GATAD2B: variants seen among roughly 807,000 people sequenced by gnomAD.
GATAD2B encodes transcriptional repressor p66-beta.
Under a neutral mutation model 64.3 loss-of-function variants are expected in GATAD2B, and 8 were observed. The observed-to-expected ratio is 0.12, with a 90% confidence interval of 0.07 to 0.22. The LOEUF is 0.22. Ranked by LOEUF, GATAD2B falls within the 10% of genes least tolerant of loss-of-function variation. The probability of loss-of-function intolerance (pLI) is 1.00; values close to 1 mark genes in which losing one functional copy is unlikely to be tolerated. For synonymous variants in GATAD2B, 281 were observed against 271.3 expected (o/e 1.04, Z -0.35); for missense variants, 453 against 752.0 (o/e 0.60, Z 4.65).
chr1:153,826,006 C>CT lies in GATAD2B; in HGVS notation c.335+2006dup, dbSNP rs11319966. Among the ~76,000 whole-genome samples, 173 of 142,960 alleles carry CT rather than the reference C, an allele frequency of 1.2e-3. 1 individual carries two copies. Among genetic ancestry groups the CT allele is most frequent in the African/African-American group, 3.0e-3 (116 of 38,950 alleles). 93.8% of individuals were successfully genotyped at this position (142,960 alleles called of 152,430 possible). A position where few individuals can be genotyped will look rare whatever the true frequency, so the allele number is the denominator to read the frequency against. ...TGTTTCTGAACTATTTATAAACTGA[C>CT]TTTTTTTTTTTTTTTCAGACGAAGT... On this transcript the variant is annotated intron_variant, in intron 2 of 10. Coordinates refer to ENST00000368655, the MANE Select transcript of GATAD2B (RefSeq NM_020699.4).
chr1:153,902,987 G>A (rs188646721), intron 1 of GATAD2B, among the ~76,000 whole-genome samples: 1 of 152,272 alleles, frequency 6.6e-6, no homozygotes, highest in Non-Finnish European at 1.5e-5. Context: ...GGAGGCCGAG[G>A]CAGAGGGATC....
chr1:153,810,151 A>G lies in GATAD2B; in HGVS notation c.*26T>C. ...GAGGAAAGGGATAAAGGATTCAAGG[A>G]TGGGGCAGTACAAGTGGAACAGGCG... On this transcript the variant is annotated 3_prime_UTR_variant, in exon 11 of 11. Coordinates refer to ENST00000368655, the MANE Select transcript of GATAD2B (RefSeq NM_020699.4). 1 of 1,594,570 alleles carries G rather than the reference A, an allele frequency of 6.3e-7. No homozygotes were observed. The highest frequency in any genetic ancestry group is 8.6e-7 in the Non-Finnish European group (1 of 1,169,570).
At chr1:153,837,143 C>A (rs1570945290) in intron 1 of GATAD2B, among the ~76,000 whole-genome samples, 1 of 152,002 alleles carries the variant, frequency 6.6e-6, no homozygotes, top group Non-Finnish European at 1.5e-5. Flanking sequence ...AAACCAGACA[C>A]AAAAGGATAA....
At chr1:153,827,889 G>A (rs957646892) in intron 2 of GATAD2B, 124 bp downstream of exon 2, 1 of 720,300 alleles carries the variant, frequency 1.4e-6, no homozygotes, top group Non-Finnish European at 2.3e-6. Flanking sequence ...GGTCAAACTC[G>A]ATGATATATC....
At chr1:153,810,418 T>A in intron 10 of GATAD2B, 108 bp from the exon 11 acceptor site, 1 of 1,071,878 alleles carries the variant, frequency 9.3e-7, no homozygotes, top group Non-Finnish European at 1.4e-6. Context: ...AAGCAGAATT[T>A]ACCAGTATCT....
chr1:153,899,972 A>T (rs2101959184), intron 1 of GATAD2B, among the ~76,000 whole-genome samples: 1 of 152,316 alleles, frequency 6.6e-6, no homozygotes, highest in Admixed American at 6.5e-5. Context: ...GCTGGTTATC[A>T]TAGCACACGT....
At chr1:153,922,373 G>A (rs1678473487) in intron 1 of GATAD2B, among the ~76,000 whole-genome samples, 1 of 151,320 alleles carries the variant, frequency 6.6e-6, no homozygotes, top group South Asian at 2.1e-4. Flanking sequence ...GGGGATGGCG[G>A]GGGAAACGGG....
At chr1:153,897,247 T>G (rs1677625908) in intron 1 of GATAD2B, among the ~76,000 whole-genome samples, 1 of 152,118 alleles carries the variant, frequency 6.6e-6, no homozygotes, top group Non-Finnish European at 1.5e-5. Context: ...GCCAGGATGG[T>G]CTCGATCTCC....
At chr1:153,827,971 T>G in intron 2 of GATAD2B, 42 bp downstream of exon 2, 1 of 1,446,960 alleles carries the variant, frequency 6.9e-7, no homozygotes, top group Non-Finnish European at 9.6e-7. Context: ...ACAGGCTTTA[T>G]GAGACGACCC....
intron 1 of GATAD2B, among the ~76,000 whole-genome samples, chr1:153,861,918 G>A (rs61804835): frequency 0.069 from 10,192 of 148,544 alleles, 429 homozygotes; most frequent in Middle Eastern, 0.12. Context: ...GAGAAGGACT[G>A]CACAAGTCTA....
chr1:153,814,297 A>G (rs538252801), intron 7 of GATAD2B, among the ~76,000 whole-genome samples: 2 of 152,344 alleles, frequency 1.3e-5, no homozygotes, highest in South Asian at 4.1e-4. Flanking sequence ...CAAGTTTAAT[A>G]ACTTCAGTTA....
At chr1:153,869,511 G>A (rs1676591490) in intron 1 of GATAD2B, among the ~76,000 whole-genome samples, 1 of 152,054 alleles carries the variant, frequency 6.6e-6, no homozygotes, top group Admixed American at 6.6e-5. Context: ...TCCCAGATCT[G>A]GCCATTGAAA....
intron 1 of GATAD2B, among the ~76,000 whole-genome samples, chr1:153,847,541 C>T (rs1675731415): frequency 6.6e-6 from 1 of 152,156 alleles, no homozygotes; most frequent in Non-Finnish European, 1.5e-5. Flanking sequence ...AATCACTGAG[C>T]CCGGCCTAAT....
intron 1 of GATAD2B, among the ~76,000 whole-genome samples, chr1:153,897,294 G>C (rs1677627397): frequency 6.6e-6 from 1 of 152,106 alleles, no homozygotes; most frequent in Non-Finnish European, 1.5e-5. Flanking sequence ...CTCCGAAAGT[G>C]CTGGGATTAC....
intron 7 of GATAD2B, among the ~76,000 whole-genome samples, chr1:153,814,936 A>G (rs1674401834): frequency 6.6e-6 from 1 of 150,548 alleles, no homozygotes; most frequent in Non-Finnish European, 1.5e-5. Context: ...AGATCATGCC[A>G]TTGCACTCTC....
intron 1 of GATAD2B, among the ~76,000 whole-genome samples, chr1:153,851,317 T>C (rs1039377066): frequency 2.0e-5 from 3 of 152,232 alleles, no homozygotes; most frequent in African/African-American, 7.2e-5. Context: ...GCATGATTGC[T>C]AGACCATCTG....
At chr1:153,868,782 G>A (rs1676561871) in intron 1 of GATAD2B, among the ~76,000 whole-genome samples, 1 of 149,654 alleles carries the variant, frequency 6.7e-6, no homozygotes, top group South Asian at 2.1e-4. Context: ...GTCACCCAGG[G>A]TGGAGTGCAG....
intron 7 of GATAD2B, among the ~76,000 whole-genome samples, chr1:153,813,850 C>T (rs1362802034): frequency 1.3e-5 from 2 of 152,150 alleles, no homozygotes; most frequent in Non-Finnish European, 1.5e-5. Flanking sequence ...TGGTGGCACG[C>T]GCCTGTAATC....
chr1:153,885,624 T>C (rs1045049570), intron 1 of GATAD2B, among the ~76,000 whole-genome samples: 2 of 151,766 alleles, frequency 1.3e-5, no homozygotes, highest in African/African-American at 2.4e-5. Flanking sequence ...TCCCAGCACT[T>C]TGGGAGGCCA....
Sources: gnomAD v4.1 joint callset for allele counts (sites outside exome capture counted in the v4.1 genomes callset) on GRCh38, gnomAD v4.1.1 for gene constraint, MANE v1.5 for transcripts, NCBI Gene and HGNC (gene_info 2026-07-23, HGNC 2026-07-21) for gene names.